FAM13A: variants seen among roughly 807,000 people sequenced by gnomAD.
FAM13A encodes the protein family with sequence similarity 13 member A, also known as protein FAM13A.
In FAM13A, 76 loss-of-function variants were observed where a neutral mutation model predicts 129.6. The ratio of observed to expected loss-of-function variants is 0.59; its 90% CI spans 0.49 to 0.71. FAM13A has a LOEUF of 0.71. FAM13A is among the 30% of genes least tolerant of loss of function. The pLI is 0.00. For synonymous variants in FAM13A, 443 were observed against 449.9 expected (o/e 0.98, Z 0.20); for missense variants, 1,108 against 1,249.3 (o/e 0.89, Z 1.70).
chr4:88,815,694 T>C (rs1194853555), intron 7 of FAM13A, among the ~76,000 whole-genome samples: 1 of 152,202 alleles, frequency 6.6e-6, no homozygotes, highest in African/African-American at 2.4e-5. Flanking sequence ...AATGGACTTG[T>C]CATAATTTCC....
intron 5 of FAM13A, among the ~76,000 whole-genome samples, chr4:88,916,605 TA>T (rs776911627): frequency 9.9e-5 from 15 of 152,224 alleles, no homozygotes; most frequent in Non-Finnish European, 1.6e-4. Flanking sequence ...AATTATCCAC[TA>T]CCATATGCAA....
Position 88,856,370 on chromosome 4 carries a change from A to C in FAM13A, c.844-5187T>G, listed in dbSNP as rs1438780162. On this transcript the variant is annotated intron_variant, in intron 6 of 23. Transcript: ENST00000264344. ...CTTGTAGAGTCCACCTGTAGTCCCA[A>C]CTACTTGGGAAGCTGAGGTGGGAGA... 2.0e-5 allele frequency among the ~76,000 whole-genome samples: 3 copies of C among 151,946 alleles called. No homozygotes were observed. In the East Asian group the frequency reaches 5.8e-4, roughly 29 times the overall value.
At chr4:88,975,087 T>C (rs1032886224) in intron 4 of FAM13A, among the ~76,000 whole-genome samples, 4 of 152,174 alleles carry the variant, frequency 2.6e-5, no homozygotes, top group African/African-American at 9.6e-5. Flanking sequence ...TGATAAAACT[T>C]GTAGAAAAAT....
chr4:89,041,035 C>T (rs1206719443), intron 1 of FAM13A, among the ~76,000 whole-genome samples: 1 of 152,172 alleles, frequency 6.6e-6, no homozygotes, highest in Non-Finnish European at 1.5e-5. Context: ...TCTTGGACCC[C>T]TGGATTTTCC....
chr4:88,851,423 C>T (rs143698179), intron 6 of FAM13A, among the ~76,000 whole-genome samples: 1,878 of 152,082 alleles, frequency 0.012, 62 homozygotes, highest in Admixed American at 0.065. Context: ...ATATACCCTA[C>T]CGAGAACATT....
intron 6 of FAM13A, among the ~76,000 whole-genome samples, chr4:88,904,192 T>C (rs1747771805): frequency 6.6e-6 from 1 of 152,168 alleles, no homozygotes; most frequent in Non-Finnish European, 1.5e-5. Context: ...GTTCAACCAT[T>C]GTGGCAGAGA....
At chr4:88,902,709 T>C (rs1286003820) in intron 6 of FAM13A, among the ~76,000 whole-genome samples, 1 of 152,162 alleles carries the variant, frequency 6.6e-6, no homozygotes, top group Admixed American at 6.5e-5. Flanking sequence ...AAGACAAGGA[T>C]GCCCTCTCTC....
chr4:88,769,379 A>C, intron 11 of FAM13A, among the ~76,000 whole-genome samples: 1 of 152,228 alleles, frequency 6.6e-6, no homozygotes, highest in African/African-American at 2.4e-5. Context: ...TAGTTATGAC[A>C]GTGGCTCTGA....
chr4:88,834,540 A>T (rs1175394227), intron 7 of FAM13A, among the ~76,000 whole-genome samples: 2 of 152,208 alleles, frequency 1.3e-5, no homozygotes, highest in African/African-American at 4.8e-5. Context: ...TCAAAACATC[A>T]TATTTTACAC....
intron 6 of FAM13A, among the ~76,000 whole-genome samples, chr4:88,880,724 C>CTGGGGTAAATT (rs1743377227): frequency 1.4e-5 from 2 of 138,940 alleles, no homozygotes; most frequent in Admixed American, 8.5e-5. Flanking sequence ...AATTCTCAGC[C>CTGGGGTAAATT]CTGTTTAGCA....
At chr4:89,032,329 A>T (rs527739300) in intron 1 of FAM13A, among the ~76,000 whole-genome samples, 1 of 152,156 alleles carries the variant, frequency 6.6e-6, no homozygotes, top group African/African-American at 2.4e-5. Context: ...ATTCCCATGC[A>T]TCACTTGAGT....
At chr4:89,021,306 G>A (rs998643362) in intron 2 of FAM13A, among the ~76,000 whole-genome samples, 1 of 152,160 alleles carries the variant, frequency 6.6e-6, no homozygotes, top group Non-Finnish European at 1.5e-5. Context: ...GAGCTGTTAC[G>A]CTGTGAAACC....
At chr4:88,801,723 G>C (rs544309608) in intron 8 of FAM13A, among the ~76,000 whole-genome samples, 1 of 152,260 alleles carries the variant, frequency 6.6e-6, no homozygotes, top group South Asian at 2.1e-4. Context: ...CAAGTTATAT[G>C]TATAATCCAG....
At chr4:88,999,061 T>A (rs190425195) in intron 3 of FAM13A, among the ~76,000 whole-genome samples, 5 of 152,202 alleles carry the variant, frequency 3.3e-5, no homozygotes, top group African/African-American at 1.2e-4. Flanking sequence ...TGCAGAGGTA[T>A]GTTTATTGCC....
intron 7 of FAM13A, among the ~76,000 whole-genome samples, chr4:88,819,794 A>C (rs942407684): frequency 1.3e-5 from 2 of 152,228 alleles, no homozygotes; most frequent in African/African-American, 4.8e-5. Flanking sequence ...ATTATTAGCT[A>C]TAAGTAGTAT....
intron 3 of FAM13A, among the ~76,000 whole-genome samples, chr4:89,003,782 T>C (rs755377238): frequency 6.6e-6 from 1 of 152,170 alleles, no homozygotes; most frequent in Non-Finnish European, 1.5e-5. Flanking sequence ...TCGAAGAAAT[T>C]GTTTGGAGTA....
chr4:88,816,211 TA>T (rs1310511690), intron 7 of FAM13A, among the ~76,000 whole-genome samples: 1 of 152,038 alleles, frequency 6.6e-6, no homozygotes, highest in Non-Finnish European at 1.5e-5. Flanking sequence ...CTCTGGGAAA[TA>T]AACTAAAAAC....
rs753848185 is a variant in FAM13A at position 88,732,190 on chromosome 4, C to G, written c.2655G>C (p.Glu885Asp). The G allele has an allele frequency of 6.2e-7, 1 of 1,606,206 alleles. No homozygotes were observed. The highest frequency in any genetic ancestry group is 1.1e-5 in the South Asian group (1 of 89,672). Reference protein sequence around the residue: ...ASFFKEIKEEEEGSEDDSNVK... With the variant: ...ASFFKEIKEEDEGSEDDSNVK... The stretch of plus-strand genomic sequence containing the variant: ...CATTGCTATCGTCTTCTGACCCCTC[C>G]TCTTCTTCCTGGAGATACACAGCAA... The change falls in exon 22 of 24, where the codon GAG becomes GAC. Residue 885 changes from glutamate to aspartate, a missense_variant. Transcript: ENST00000264344.
chr4:89,047,154 G>A (rs1020049080), intron 1 of FAM13A, among the ~76,000 whole-genome samples: 3 of 152,130 alleles, frequency 2.0e-5, no homozygotes, highest in Admixed American at 2.0e-4. Flanking sequence ...TACTGTTATC[G>A]GGGGTGGGGT....
Sources: gnomAD v4.1 joint callset for allele counts (sites outside exome capture counted in the v4.1 genomes callset) on GRCh38, gnomAD v4.1.1 for gene constraint, MANE v1.5 for transcripts, NCBI Gene and HGNC (gene_info 2026-07-23, HGNC 2026-07-21) for gene names.